The following AP4S1 variants were observed in gnomAD, a reference collection of about 807,000 sequenced individuals.
The protein encoded by AP4S1 is adaptor related protein complex 4 subunit sigma 1.
Under a neutral mutation model 19.8 loss-of-function variants are expected in AP4S1, and 23 were observed. The observed-to-expected ratio is 1.16, with a 90% CI of 0.84 to 1.65. The LOEUF is 1.65. Among genes scored for constraint, AP4S1 ranks in the 40% most tolerant of loss-of-function variants. AP4S1 has a pLI of 0.00. For missense variants in AP4S1, 166 were observed against 172.8 expected (o/e 0.96, Z 0.22); for synonymous variants, 46 against 54.1 (o/e 0.85, Z 0.66).
chr14:31,075,896 T>A (rs1887330441), intron 4 of AP4S1, among the ~76,000 whole-genome samples: 1 of 152,036 alleles, frequency 6.6e-6, no homozygotes, highest in Non-Finnish European at 1.5e-5. Flanking sequence ...TGCACCACCA[T>A]GCCCAGCTAA....
rs148571580 is a variant in AP4S1 at position 31,040,244 on chromosome 14, C to G, written c.-72+14457C>G. On this transcript the variant is annotated intron_variant, in intron 1 of 5. Transcript: ENST00000542754. ...ACAGCAGGCTGCAACCTCAACCTCC[C>G]AAGGCTCAGGTGATCCTCCCCTCTC... 5.8e-3 allele frequency among the ~76,000 whole-genome samples: 876 copies of G among 151,716 alleles called. 6 individuals are homozygous for G. The highest frequency in any genetic ancestry group is 0.02 in the African/African-American group (830 of 41,322).
Position 31,092,895 on chromosome 14 carries a change from A to T in AP4S1, c.307-12A>T. The T allele has an allele frequency of 6.7e-7, 1 of 1,496,040 alleles. No individual in the cohort carries two copies. Among genetic ancestry groups the T allele is most frequent in the Non-Finnish European group, 9.0e-7 (1 of 1,117,264 alleles). 92.7% of individuals were successfully genotyped at this position (1,496,040 alleles called of 1,614,324 possible). On this transcript the variant is annotated splice_polypyrimidine_tract_variant and intron_variant, in intron 5 of 5. Transcript: ENST00000542754. ...TTTTAACTTTAAACTAATTTCCTTA[A>T]TATAACCGTAGATAATGTTTAATTT...
At chr14:31,025,892 C>G (rs1169434575) in intron 1 of AP4S1, 105 bp downstream of exon 1, 1 of 1,597,156 alleles carries the variant, frequency 6.3e-7, no homozygotes, top group Non-Finnish European at 8.5e-7. Context: ...CACACCGACC[C>G]CAACGAGGTA....
rs539251097 is a variant in AP4S1, at chr14:31,052,384, ATTATACC to A, written c.-71-13738_-71-13732del. Among the ~76,000 whole-genome samples the A allele has an allele frequency of 5.2e-4, 79 of 152,174 alleles. No homozygotes were observed. The South Asian group carries it at 5.8e-3, about 11-fold the overall frequency. ...AACATTTTTATGCATATAGATTTTAATTATACCTTAGGATAAATTCCTAAGACTGGGA... is the reference window on the plus strand; with the variant it reads ...AACATTTTTATGCATATAGATTTTAATTAGGATAAATTCCTAAGACTGGGA... On this transcript the variant is annotated intron_variant, in intron 1 of 5. Transcript: ENST00000542754.
At chr14:31,072,524 C>A (rs1887068715) in intron 3 of AP4S1, among the ~76,000 whole-genome samples, 3 of 152,104 alleles carry the variant, frequency 2.0e-5, no homozygotes, top group Non-Finnish European at 4.4e-5. Context: ...GCATGCACCA[C>A]CACACCTGGC....
intron 1 of AP4S1, among the ~76,000 whole-genome samples, chr14:31,050,621 AG>A (rs1885736462): frequency 6.6e-6 from 1 of 152,212 alleles, no homozygotes; most frequent in Non-Finnish European, 1.5e-5. Flanking sequence ...AGATTTACAA[AG>A]GTTGTGAAGA....
chr14:31,062,258 C>G (rs1310787648), intron 1 of AP4S1, among the ~76,000 whole-genome samples: 1 of 152,038 alleles, frequency 6.6e-6, no homozygotes, highest in Non-Finnish European at 1.5e-5. Context: ...ACCACCATGT[C>G]CAGCTAATTT....
At position 31,088,139 on chromosome 14, in the gene AP4S1, C is replaced by T. The variant is rs547039407; in HGVS notation, c.307-4768C>T. 7.2e-5 allele frequency among the ~76,000 whole-genome samples: 11 copies of T among 152,250 alleles called. No homozygotes were observed. In the East Asian group the frequency reaches 7.7e-4, roughly 11 times the overall value. On this transcript the variant is annotated intron_variant, in intron 5 of 5. Transcript: ENST00000542754. ...CAGCCAGTAGCCCGGAAGATGTGAA[C>T]GTTGCAAATCTGACAGTTCTGCCTC...
rs79091644 is a variant in AP4S1, at chr14:31,036,572, C to A, written c.-72+10785C>A. Reference sequence around the variant, plus strand: ...TCAGCTTTAGCTAGCTAGCTATTAACATACATACTGTATTCTACCTTGCTC... The same window carrying A: ...TCAGCTTTAGCTAGCTAGCTATTAAAATACATACTGTATTCTACCTTGCTC... On this transcript the variant is annotated intron_variant, in intron 1 of 5. Coordinates refer to ENST00000542754, the MANE Select transcript of AP4S1 (RefSeq NM_001128126.3). 7.2e-3 allele frequency among the ~76,000 whole-genome samples: 1,102 copies of A among 152,306 alleles called. 11 individuals are homozygous for A. Among genetic ancestry groups the A allele is most frequent in the East Asian group, 0.05 (257 of 5,172 alleles).
At chr14:31,049,567 A>G (rs1263890078) in intron 1 of AP4S1, among the ~76,000 whole-genome samples, 5 of 150,666 alleles carry the variant, frequency 3.3e-5, no homozygotes, top group African/African-American at 7.3e-5. Context: ...AAATATTTAA[A>G]CAGTATAACC....
chr14:31,077,292 A>G lies in AP4S1; in HGVS notation c.295-3281A>G, dbSNP rs546398932. Among the ~76,000 whole-genome samples the G allele has an allele frequency of 3.9e-5, 6 of 152,326 alleles. No individual in the cohort carries two copies. In the East Asian group the frequency reaches 1.2e-3, roughly 29 times the overall value. On this transcript the variant is annotated intron_variant, in intron 4 of 5. Transcript: ENST00000542754. ...TTTCATTTCGCATTTAAATAAAAACAAGGAATTTTTCCAAGCTTCTTCCTG... is the reference window on the plus strand; with the variant it reads ...TTTCATTTCGCATTTAAATAAAAACGAGGAATTTTTCCAAGCTTCTTCCTG...
rs1313606575 is a variant in AP4S1, at chr14:31,058,517, CTGTGTGTGTATGTGTGTGTGTGTGTG to C, written c.-71-7599_-71-7574del. The stretch of plus-strand genomic sequence containing the variant: ...GGTCATCAAAACATCTTCCCCATCT[CTGTGTGTGTATGTGTGTGTGTGTGTG>C]TGTGTGTGTGTGTGTGTGTGTGTGT... On this transcript the variant is annotated intron_variant, in intron 1 of 5. Coordinates refer to ENST00000542754, the MANE Select transcript of AP4S1 (RefSeq NM_001128126.3). Among the ~76,000 whole-genome samples the C allele has an allele frequency of 7.9e-5, 11 of 139,462 alleles. No individual in the cohort carries two copies. The South Asian group carries it at 1.5e-3, about 19-fold the overall frequency. The allele number at this position is 139,462 out of a possible 152,430, so 91.5% of individuals were successfully genotyped here. A position where few individuals can be genotyped will look rare whatever the true frequency, so the allele number is the denominator to read the frequency against.
intron 4 of AP4S1, among the ~76,000 whole-genome samples, chr14:31,074,064 C>T (rs966674077): frequency 2.6e-5 from 4 of 151,846 alleles, no homozygotes; most frequent in African/African-American, 4.8e-5. Flanking sequence ...GTGTGGCTGA[C>T]GCCTGTAATC....
Position 31,042,848 on chromosome 14 carries a change from G to T in AP4S1, c.-72+17061G>T, listed in dbSNP as rs906847330. On this transcript the variant is annotated intron_variant, in intron 1 of 5. Transcript: ENST00000542754. ...TAAATTGTATCTTGGACCAGAATTT[G>T]ATGAGACTCTTTGGTCAGTTTACCA... Among the ~76,000 whole-genome samples the T allele has an allele frequency of 3.9e-5, 6 of 152,280 alleles. No homozygotes were observed. The East Asian group carries it at 1.2e-3, about 29-fold the overall frequency.
At chr14:31,027,610 C>A (rs1359313573) in intron 1 of AP4S1, among the ~76,000 whole-genome samples, 1 of 152,106 alleles carries the variant, frequency 6.6e-6, no homozygotes, top group Non-Finnish European at 1.5e-5. Context: ...TGCAGAGAGC[C>A]GAGATCGCAC....
At chr14:31,049,474 T>C (rs376594125) in intron 1 of AP4S1, among the ~76,000 whole-genome samples, 11,680 of 55,096 alleles carry the variant, frequency 0.21, 2,104 homozygotes, top group Admixed American at 0.28. Flanking sequence ...TATATATATG[T>C]ACACACACAC....
chr14:31,064,395 C>T (rs1002675336), intron 1 of AP4S1, among the ~76,000 whole-genome samples: 1 of 152,132 alleles, frequency 6.6e-6, no homozygotes, highest in Non-Finnish European at 1.5e-5. Context: ...CATTTCAGCT[C>T]ACTGCAACCT....
chr14:31,035,776 C>T (rs1407099397), intron 1 of AP4S1, among the ~76,000 whole-genome samples: 1 of 151,548 alleles, frequency 6.6e-6, no homozygotes, highest in Admixed American at 6.6e-5. Context: ...GTCACCCAGG[C>T]TGGAGTGCAG....
intron 5 of AP4S1, among the ~76,000 whole-genome samples, chr14:31,090,585 A>G (rs960348719): frequency 7.9e-5 from 12 of 152,240 alleles, no homozygotes; most frequent in Non-Finnish European, 1.5e-4. Flanking sequence ...AGCTCACTAC[A>G]TTAGTATACC....
Sources: gnomAD v4.1 joint callset for allele counts (sites outside exome capture counted in the v4.1 genomes callset) on GRCh38, gnomAD v4.1.1 for gene constraint, MANE v1.5 for transcripts, NCBI Gene and HGNC (gene_info 2026-07-23, HGNC 2026-07-21) for gene names.